GFRA1: variants seen among roughly 807,000 people sequenced by gnomAD.
GFRA1 encodes GDNF family receptor alpha 1.
A neutral mutation model predicts 51.6 loss-of-function variants in GFRA1; 16 were observed. The ratio of observed to expected loss-of-function variants is 0.31; its 90% CI spans 0.21 to 0.47. The LOEUF is 0.47. Among genes scored for constraint, GFRA1 ranks in the 20% least tolerant of loss-of-function variants. The pLI is 1.00. For missense variants in GFRA1, 530 were observed against 594.3 expected (o/e 0.89, Z 1.13); for synonymous variants, 270 against 241.3 (o/e 1.12, Z -1.10).
At chr10:116,068,155 T>C (rs1955201382) in intron 9 of GFRA1, among the ~76,000 whole-genome samples, 1 of 152,144 alleles carries the variant, frequency 6.6e-6, no homozygotes, top group African/African-American at 2.4e-5. Flanking sequence ...TTCTCTCCCG[T>C]TAAACATCTT....
rs546055545 is a variant in GFRA1 at position 116,271,428 on chromosome 10, G to A, written c.41-313C>T. Among the ~76,000 whole-genome samples, 4 of 152,172 alleles carry A rather than the reference G, an allele frequency of 2.6e-5. No homozygotes were observed. The South Asian group carries it at 8.3e-4, about 32-fold the overall frequency. On this transcript the variant is annotated intron_variant, in intron 2 of 10. Coordinates refer to ENST00000355422, the MANE Select transcript of GFRA1 (RefSeq NM_005264.8). ...CCTCCGCCCCGGGGCATCCTGGCCT[G>A]AGCAACGACCCGGGCTCCCGGGCCA...
intron 4 of GFRA1, among the ~76,000 whole-genome samples, chr10:116,257,291 C>T (rs1401753030): frequency 2.6e-5 from 4 of 151,196 alleles, no homozygotes; most frequent in African/African-American, 9.7e-5. Context: ...CTGTACCCCC[C>T]ACCCCGCCCC....
intron 5 of GFRA1, among the ~76,000 whole-genome samples, chr10:116,180,422 T>C (rs1962099791): frequency 6.6e-6 from 1 of 152,204 alleles, no homozygotes; most frequent in African/African-American, 2.4e-5. Context: ...ATAAATACTG[T>C]GCCTTGAAGG....
In GFRA1 at chr10:116,159,272, G is replaced by A. The variant is rs147741622; in HGVS notation, c.434-33715C>T. 1.7e-3 allele frequency among the ~76,000 whole-genome samples: 265 copies of A among 152,248 alleles called. 1 individual carries two copies. The highest frequency in any genetic ancestry group is 0.01 in the Middle Eastern group (3 of 294). On this transcript the variant is annotated intron_variant, in intron 5 of 10. Coordinates refer to ENST00000355422, the MANE Select transcript of GFRA1 (RefSeq NM_005264.8). ...CCAGGACCCCACACTGGCCCAGCTC[G>A]TTCTAGTCTCATCTCTCCCCTAACC...
intron 4 of GFRA1, among the ~76,000 whole-genome samples, chr10:116,268,509 T>C (rs1303192111): frequency 6.6e-6 from 1 of 152,192 alleles, no homozygotes; most frequent in Non-Finnish European, 1.5e-5. Flanking sequence ...GGTGAATGGA[T>C]GAATGCATGT....
At chr10:116,068,831 C>T (rs2133783281) in intron 9 of GFRA1, among the ~76,000 whole-genome samples, 1 of 146,202 alleles carries the variant, frequency 6.8e-6, no homozygotes, top group Middle Eastern at 3.5e-3. Context: ...AGGGCGTCTC[C>T]CGCTTTCAGC....
rs1475891853 is a variant in GFRA1, at chr10:116,063,491, AT to A, written c.*906del. On this transcript the variant is annotated 3_prime_UTR_variant, in exon 11 of 11. Transcript: ENST00000355422. ...TTTGTATTAAACCATCAGTAAAAAA[AT>A]GAGACAATATCATTACTTTCAAAAT... The A allele has an allele frequency of 6.6e-6, 1 of 152,260 alleles. No individual in the cohort carries two copies. The highest frequency in any genetic ancestry group is 6.5e-5 in the Admixed American group (1 of 15,286). The allele number at this position is 152,260 out of a possible 1,614,324, so 9.4% of individuals were successfully genotyped here.
chr10:116,118,353 C>T (rs1037278860), intron 6 of GFRA1, among the ~76,000 whole-genome samples: 1 of 152,192 alleles, frequency 6.6e-6, no homozygotes, highest in African/African-American at 2.4e-5. Flanking sequence ...TGATGCTCTC[C>T]TAAACCTTTG....
chr10:116,078,912 G>C (rs1054997371), intron 9 of GFRA1, among the ~76,000 whole-genome samples: 1 of 152,016 alleles, frequency 6.6e-6, no homozygotes, highest in African/African-American at 2.4e-5. Flanking sequence ...GACATGTCTG[G>C]TGCTAGTTTT....
intron 9 of GFRA1, among the ~76,000 whole-genome samples, chr10:116,080,801 CT>C (rs1308108200): frequency 6.6e-6 from 1 of 152,198 alleles, no homozygotes; most frequent in Non-Finnish European, 1.5e-5. Flanking sequence ...GCCTGACTTC[CT>C]GATCCCCATG....
At chr10:116,166,815 G>T (rs145408558) in intron 5 of GFRA1, among the ~76,000 whole-genome samples, 6,331 of 19,358 alleles carry the variant, frequency 0.33, 625 homozygotes, top group Non-Finnish European at 0.36. Context: ...TTTTTTTTTT[G>T]TTGAGACGGA....
intron 6 of GFRA1, among the ~76,000 whole-genome samples, chr10:116,115,291 G>C (rs1048156420): frequency 6.6e-6 from 1 of 152,090 alleles, no homozygotes; most frequent in African/African-American, 2.4e-5. Context: ...GGTGGAGCAG[G>C]ACTCTAAGCC....
chr10:116,092,043 A>C (rs1352475582), intron 8 of GFRA1, among the ~76,000 whole-genome samples: 1 of 151,190 alleles, frequency 6.6e-6, no homozygotes, highest in Non-Finnish European at 1.5e-5. Context: ...ATCTTCGTTA[A>C]AACTTGCATT....
intron 8 of GFRA1, 145 bp downstream of exon 8, chr10:116,093,557 C>A: frequency 2.7e-6 from 2 of 746,050 alleles, no homozygotes; most frequent in Admixed American, 4.1e-5. Flanking sequence ...GGGAGAAAGA[C>A]AGACAGAGAG....
chr10:116,184,795 T>C lies in GFRA1; in HGVS notation c.433+26836A>G, dbSNP rs577174124. On this transcript the variant is annotated intron_variant, in intron 5 of 10. Coordinates refer to ENST00000355422, the MANE Select transcript of GFRA1 (RefSeq NM_005264.8). ...AATAGGTCACATTGGTCACCGGTGTTCCTGGCTGTTTAACCAGAGCCCTGG... is the reference window on the plus strand; with the variant it reads ...AATAGGTCACATTGGTCACCGGTGTCCCTGGCTGTTTAACCAGAGCCCTGG... 1.8e-3 allele frequency among the ~76,000 whole-genome samples: 268 copies of C among 152,222 alleles called. 1 individual carries two copies. The highest frequency in any genetic ancestry group is 3.0e-3 in the Non-Finnish European group (207 of 68,010).
intron 4 of GFRA1, among the ~76,000 whole-genome samples, chr10:116,252,639 T>C (rs1968482584): frequency 6.6e-6 from 1 of 152,134 alleles, no homozygotes; most frequent in Non-Finnish European, 1.5e-5. Context: ...ACTTCCGCCC[T>C]GGAAAGCTGG....
intron 2 of GFRA1, 81 bp downstream of exon 2, chr10:116,271,909 G>A: frequency 3.6e-6 from 4 of 1,110,372 alleles, no homozygotes; most frequent in Non-Finnish European, 4.0e-6. Context: ...CAATTTTGGT[G>A]CGGAGGGCGG....
intron 5 of GFRA1, among the ~76,000 whole-genome samples, chr10:116,179,220 A>T (rs1030143011): frequency 5.9e-5 from 9 of 152,218 alleles, no homozygotes; most frequent in Non-Finnish European, 8.8e-5. Flanking sequence ...CACTGATCTA[A>T]GCACCTTGAA....
rs182662399 is a variant in GFRA1 at position 116,235,046 on chromosome 10, G to A, written c.419-23401C>T. ...TTCCTGAGGCCTCCCCAGCCATGCC[G>A]AACTGTGAGTCAATTAAATCTTTCC... On this transcript the variant is annotated intron_variant, in intron 4 of 10. Coordinates refer to ENST00000355422, the MANE Select transcript of GFRA1 (RefSeq NM_005264.8). Among the ~76,000 whole-genome samples, 157 of 152,252 alleles carry A rather than the reference G, an allele frequency of 1.0e-3. 1 individual carries two copies. The highest frequency in any genetic ancestry group is 3.1e-3 in the Admixed American group (48 of 15,302).
Sources: gnomAD v4.1 joint callset for allele counts (sites outside exome capture counted in the v4.1 genomes callset) on GRCh38, gnomAD v4.1.1 for gene constraint, MANE v1.5 for transcripts, NCBI Gene and HGNC (gene_info 2026-07-23, HGNC 2026-07-21) for gene names.